KHDRBS3: variants seen among roughly 807,000 people sequenced by gnomAD.
The protein encoded by KHDRBS3 is KH domain-containing, RNA-binding, signal transduction-associated protein 3.
A neutral mutation model predicts 45.6 loss-of-function variants in KHDRBS3; 23 were observed. The ratio of observed to expected loss-of-function variants is 0.50; its 90% CI spans 0.36 to 0.72. The LOEUF (loss-of-function observed/expected upper bound fraction) is 0.72, where lower values mean the gene tolerates loss of function less well. Among genes scored for constraint, KHDRBS3 ranks in the 30% least tolerant of loss-of-function variants. The pLI, the probability that KHDRBS3 is intolerant of heterozygous loss-of-function variation, is 0.00. For synonymous variants in KHDRBS3, 162 were observed against 156.5 expected (o/e 1.04, Z -0.26); for missense variants, 352 against 424.8 (o/e 0.83, Z 1.51).
chr8:135,516,799 A>G (rs1054556991), intron 1 of KHDRBS3, among the ~76,000 whole-genome samples: 3 of 152,176 alleles, frequency 2.0e-5, no homozygotes, highest in African/African-American at 4.8e-5. Flanking sequence ...GTAATATTCC[A>G]CATCTATCTA....
intron 6 of KHDRBS3, among the ~76,000 whole-genome samples, chr8:135,594,462 A>G (rs981620212): frequency 3.3e-5 from 5 of 152,236 alleles, no homozygotes; most frequent in African/African-American, 1.2e-4. Context: ...TCTGTGCCTC[A>G]GTTCCTAATT....
At chr8:135,642,995 A>G (rs1446574034) in intron 7 of KHDRBS3, among the ~76,000 whole-genome samples, 5 of 151,890 alleles carry the variant, frequency 3.3e-5, no homozygotes, top group East Asian at 1.9e-4. Context: ...GGGTTTCACC[A>G]TGTTGGCCAG....
chr8:135,611,474 G>T (rs1829703007), intron 7 of KHDRBS3, among the ~76,000 whole-genome samples: 1 of 151,878 alleles, frequency 6.6e-6, no homozygotes, highest in Non-Finnish European at 1.5e-5. Context: ...GTGGGGTGAA[G>T]AAATGGTTCT....
At chr8:135,509,974 C>CCT (rs1824193099) in intron 1 of KHDRBS3, among the ~76,000 whole-genome samples, 2 of 122,940 alleles carry the variant, frequency 1.6e-5, no homozygotes, top group Admixed American at 8.5e-5. Context: ...TTCCCCCCCC[C>CCT]TTTTTTTTTT....
intron 1 of KHDRBS3, among the ~76,000 whole-genome samples, chr8:135,500,836 G>C (rs1823701732): frequency 6.6e-6 from 1 of 152,180 alleles, no homozygotes. Context: ...AGTATAGGGT[G>C]AATGCTTTTG....
At position 135,600,499 on chromosome 8, in the gene KHDRBS3, A is replaced by G. The variant is rs1360057905; in HGVS notation, c.808-6456A>G. ...TTAGATGACAATGGGATGGTAAAGCAGAAAGCACTGATTTTTCTCCAGATG... is the reference window on the plus strand; with the variant it reads ...TTAGATGACAATGGGATGGTAAAGCGGAAAGCACTGATTTTTCTCCAGATG... On this transcript the variant is annotated intron_variant, in intron 6 of 8. Coordinates refer to ENST00000355849, the MANE Select transcript of KHDRBS3 (RefSeq NM_006558.3). 2.6e-5 allele frequency among the ~76,000 whole-genome samples: 4 copies of G among 152,322 alleles called. No homozygotes were observed. In the East Asian group the frequency reaches 7.7e-4, roughly 29 times the overall value.
At chr8:135,588,660 G>A (rs1828601263) in intron 6 of KHDRBS3, among the ~76,000 whole-genome samples, 2 of 152,118 alleles carry the variant, frequency 1.3e-5, no homozygotes, top group South Asian at 4.1e-4. Flanking sequence ...GGGGCTTTAT[G>A]AATAACAAAA....
At chr8:135,507,555 G>A (rs1293297947) in intron 1 of KHDRBS3, among the ~76,000 whole-genome samples, 1 of 151,846 alleles carries the variant, frequency 6.6e-6, no homozygotes, top group Non-Finnish European at 1.5e-5. Flanking sequence ...TTTTTTTAAC[G>A]AAATCCCTAC....
chr8:135,598,870 C>T (rs759782644), intron 6 of KHDRBS3, among the ~76,000 whole-genome samples: 3 of 152,080 alleles, frequency 2.0e-5, no homozygotes, highest in African/African-American at 4.8e-5. Context: ...CAGTTATTAT[C>T]GCAATTAAAG....
chr8:135,463,124 T>G (rs1586546060), intron 1 of KHDRBS3, among the ~76,000 whole-genome samples: 5 of 152,174 alleles, frequency 3.3e-5, no homozygotes, highest in Admixed American at 3.3e-4. Context: ...ACTGCTTTGT[T>G]TGGATCTTTG....
intron 5 of KHDRBS3, among the ~76,000 whole-genome samples, chr8:135,579,517 A>G (rs549168703): frequency 6.6e-6 from 1 of 152,100 alleles, no homozygotes; most frequent in South Asian, 2.1e-4. Flanking sequence ...GTCTTTTTTC[A>G]GTAGAGACGG....
At chr8:135,646,393 G>T (rs1412809319) in intron 8 of KHDRBS3, among the ~76,000 whole-genome samples, 1 of 152,156 alleles carries the variant, frequency 6.6e-6, no homozygotes, top group Non-Finnish European at 1.5e-5. Flanking sequence ...CTGACATTAT[G>T]TCGTTAAATT....
chr8:135,483,380 A>G (rs934212078), intron 1 of KHDRBS3, among the ~76,000 whole-genome samples: 2 of 152,114 alleles, frequency 1.3e-5, no homozygotes, highest in African/African-American at 4.8e-5. Flanking sequence ...TGCTGCCATT[A>G]GTGGTTTGTT....
rs1166479444 is a variant in KHDRBS3 at position 135,542,738 on chromosome 8, C to T, written c.292C>T (p.Leu98Phe). 1.2e-6 allele frequency: 2 copies of T among 1,613,226 alleles called. No homozygotes were observed. Among genetic ancestry groups the T allele is most frequent in the African/African-American group, 2.7e-5 (2 of 74,876 alleles). Residue 98 changes from leucine (L) to phenylalanine (F), a missense_variant, in exon 3 of 9, where the codon CTT (leucine) becomes TTT (phenylalanine). Coordinates refer to ENST00000355849, the MANE Select transcript of KHDRBS3 (RefSeq NM_006558.3). ...AGAAACCTTGACAAAAATGTCCATC[C>T]TTGGGAAAGGTTCCATGAGAGACAA... ...QEETLTKMSI[L>F]GKGSMRDKAK... is the part of the protein sequence containing the mutation.
chr8:135,507,978 A>G (rs139261011), intron 1 of KHDRBS3, among the ~76,000 whole-genome samples: 2,195 of 152,300 alleles, frequency 0.014, 20 homozygotes, highest in Admixed American at 0.024. Context: ...TGGCTTAGAA[A>G]AAAACATTGA....
At chr8:135,526,339 T>C (rs1825185774) in intron 2 of KHDRBS3, among the ~76,000 whole-genome samples, 1 of 151,722 alleles carries the variant, frequency 6.6e-6, no homozygotes, top group Non-Finnish European at 1.5e-5. Flanking sequence ...AAATTTAATT[T>C]AAGATTTAAA....
intron 1 of KHDRBS3, among the ~76,000 whole-genome samples, chr8:135,486,107 C>T (rs961719126): frequency 6.6e-6 from 1 of 151,896 alleles, no homozygotes; most frequent in Non-Finnish European, 1.5e-5. Flanking sequence ...TGGACTCATC[C>T]TCTTCATGTG....
chr8:135,570,691 C>G, intron 5 of KHDRBS3, among the ~76,000 whole-genome samples: 1 of 152,184 alleles, frequency 6.6e-6, no homozygotes, highest in Non-Finnish European at 1.5e-5. Flanking sequence ...CCTTCCAACT[C>G]TGTGCCTACT....
chr8:135,621,265 T>C (rs2131088547), intron 7 of KHDRBS3, among the ~76,000 whole-genome samples: 1 of 152,334 alleles, frequency 6.6e-6, no homozygotes, highest in African/African-American at 2.4e-5. Context: ...GGTTGAGAAC[T>C]GCTCTTCTTG....
Sources: allele counts gnomAD v4.1 joint callset (sites outside exome capture counted in the v4.1 genomes callset), GRCh38; gene constraint gnomAD v4.1.1; transcripts MANE v1.5; gene names NCBI Gene and HGNC (gene_info 2026-07-23, HGNC 2026-07-21).